Variants in BAIAP2L1 observed in about 807,000 individuals in gnomAD.
BAIAP2L1 encodes BAR/IMD domain-containing adapter protein 2-like 1.
BAIAP2L1 carries 35 observed loss-of-function variants against 66.3 expected under a neutral mutation model. The ratio of observed to expected loss-of-function variants is 0.53; its 90% CI spans 0.40 to 0.70. The LOEUF is 0.70. BAIAP2L1 is among the 30% of genes least tolerant of loss of function. BAIAP2L1 has a pLI of 0.00. For missense variants in BAIAP2L1, 622 were observed against 656.9 expected (o/e 0.95, Z 0.58); for synonymous variants, 269 against 248.7 (o/e 1.08, Z -0.77).
At chr7:98,314,251 G>C (rs1237859563) in intron 7 of BAIAP2L1, among the ~76,000 whole-genome samples, 1 of 152,064 alleles carries the variant, frequency 6.6e-6, no homozygotes, top group African/African-American at 2.4e-5. Flanking sequence ...CCAAAGTGCT[G>C]GGATTACAGG....
intron 3 of BAIAP2L1, among the ~76,000 whole-genome samples, chr7:98,350,351 T>TA (rs905282012): frequency 0.021 from 3,029 of 142,110 alleles, 101 homozygotes; most frequent in African/African-American, 0.072. Flanking sequence ...TCCAAAGGCT[T>TA]AAAAAAAAAA....
rs199820184 is a variant in BAIAP2L1, at chr7:98,385,740, GT to G, written c.51+15061del. ...GGAATCAACATTTCTTTTTTTTGTTGTTTTTTTTTTCACAAATAGCACTCTT... is the reference window on the plus strand; with the variant it reads ...GGAATCAACATTTCTTTTTTTTGTTGTTTTTTTTTCACAAATAGCACTCTT... On this transcript the variant is annotated intron_variant, in intron 1 of 13. Coordinates refer to ENST00000005260, the MANE Select transcript of BAIAP2L1 (RefSeq NM_018842.5). The G allele has an allele frequency of 2.5e-4, 233 of 950,588 alleles. 1 individual carries two copies. Among genetic ancestry groups the G allele is most frequent in the African/African-American group, 3.4e-4 (19 of 55,918 alleles). The allele number at this position is 950,588 out of a possible 1,614,324, so 58.9% of individuals were successfully genotyped here.
chr7:98,354,447 A>G (rs1346226070), intron 3 of BAIAP2L1, among the ~76,000 whole-genome samples: 2 of 152,162 alleles, frequency 1.3e-5, no homozygotes, highest in Non-Finnish European at 2.9e-5. Flanking sequence ...TTTAAATGAG[A>G]GTGCTGTGTG....
intron 12 of BAIAP2L1, among the ~76,000 whole-genome samples, chr7:98,295,757 C>T (rs1298968296): frequency 2.0e-5 from 3 of 152,276 alleles, no homozygotes; most frequent in African/African-American, 7.2e-5. Context: ...ACACCCTCCA[C>T]CCACCCCAAG....
chr7:98,361,883 G>A lies in BAIAP2L1; in HGVS notation c.127+474C>T, dbSNP rs146763089. 3.7e-4 allele frequency among the ~76,000 whole-genome samples: 56 copies of A among 152,020 alleles called. No individual in the cohort carries two copies. The East Asian group carries it at 6.8e-3, about 18-fold the overall frequency. Reference sequence around the variant, plus strand: ...CCTGAGTAGCTGGGACTACAGGCGCGCACCACCACGTGCAGCTAATTTCAT... The same window carrying A: ...CCTGAGTAGCTGGGACTACAGGCGCACACCACCACGTGCAGCTAATTTCAT... On this transcript the variant is annotated intron_variant, in intron 2 of 13. Transcript: ENST00000005260.
intron 3 of BAIAP2L1, among the ~76,000 whole-genome samples, chr7:98,345,777 A>G (rs1195094051): frequency 6.6e-6 from 1 of 152,182 alleles, no homozygotes; most frequent in Non-Finnish European, 1.5e-5. Flanking sequence ...CATTTCTCCA[A>G]AGAAGATATG....
At chr7:98,305,181 G>T (rs2116846668) in intron 11 of BAIAP2L1, among the ~76,000 whole-genome samples, 1 of 149,924 alleles carries the variant, frequency 6.7e-6, no homozygotes, top group African/African-American at 2.5e-5. Context: ...ATGAGCCCCT[G>T]CGCCTGGCCA....
At chr7:98,297,855 AAGG>A (rs1439323898) in intron 12 of BAIAP2L1, among the ~76,000 whole-genome samples, 1 of 152,200 alleles carries the variant, frequency 6.6e-6, no homozygotes, top group Non-Finnish European at 1.5e-5. Context: ...TGCTTTTACA[AAGG>A]AGAGCTGTGT....
intron 10 of BAIAP2L1, chr7:98,307,181 C>T (rs1197569627): frequency 9.4e-5 from 16 of 171,122 alleles, no homozygotes; most frequent in South Asian, 8.6e-4. Context: ...GGCGAGATCT[C>T]GGCTCACTGC....
At chr7:98,357,750 TA>T (rs1421068124) in intron 2 of BAIAP2L1, among the ~76,000 whole-genome samples, 1 of 152,140 alleles carries the variant, frequency 6.6e-6, no homozygotes, top group Non-Finnish European at 1.5e-5. Context: ...CATACTTAGT[TA>T]ATCTATCCAA....
At chr7:98,373,953 A>G (rs1802566507) in intron 1 of BAIAP2L1, among the ~76,000 whole-genome samples, 1 of 152,090 alleles carries the variant, frequency 6.6e-6, no homozygotes, top group Non-Finnish European at 1.5e-5. Context: ...TATTCAGTTG[A>G]GAACATTTAT....
intron 1 of BAIAP2L1, among the ~76,000 whole-genome samples, chr7:98,371,716 A>G (rs1169454442): frequency 6.6e-6 from 1 of 152,232 alleles, no homozygotes; most frequent in Non-Finnish European, 1.5e-5. Context: ...TTTATAATAA[A>G]GTATACATTA....
chr7:98,387,360 G>C (rs573929929), intron 1 of BAIAP2L1, among the ~76,000 whole-genome samples: 1 of 152,080 alleles, frequency 6.6e-6, no homozygotes, highest in African/African-American at 2.4e-5. Context: ...AAACAGCTGC[G>C]GGAAGAACTC....
intron 1 of BAIAP2L1, chr7:98,386,693 G>GCT: frequency 5.4e-6 from 1 of 185,822 alleles, no homozygotes; most frequent in Non-Finnish European, 9.4e-6. Context: ...CTTTCCAAAG[G>GCT]TTTTTTTTTT....
At chr7:98,340,954 A>G (rs930697853) in intron 3 of BAIAP2L1, among the ~76,000 whole-genome samples, 1 of 103,042 alleles carries the variant, frequency 9.7e-6, no homozygotes, top group Non-Finnish European at 1.9e-5. Context: ...AGGCCCAGCT[A>G]ATTGGTTTTT....
chr7:98,308,190 C>T (rs1182984554), intron 9 of BAIAP2L1: 1 of 567,368 alleles, frequency 1.8e-6, no homozygotes, highest in Non-Finnish European at 3.3e-6. Context: ...GGTTGATCTG[C>T]ACTGCTTTAG....
intron 8 of BAIAP2L1, among the ~76,000 whole-genome samples, chr7:98,311,645 T>A (rs560431689): frequency 6.7e-6 from 1 of 148,246 alleles, no homozygotes; most frequent in East Asian, 2.1e-4. Context: ...TGGTGGCTCA[T>A]GCCTGTAATC....
chr7:98,372,693 G>A (rs961956148), intron 1 of BAIAP2L1, among the ~76,000 whole-genome samples: 6 of 147,600 alleles, frequency 4.1e-5, no homozygotes, highest in African/African-American at 1.0e-4. Context: ...AAAAATAGCT[G>A]TAATGAGGGT....
At chr7:98,294,185 G>T (rs1584408589) in intron 12 of BAIAP2L1, 74 bp from the exon 13 acceptor site, 3 of 1,499,754 alleles carry the variant, frequency 2.0e-6, no homozygotes, top group South Asian at 1.1e-5. Context: ...TAGAGATGGG[G>T]ATTTGCTATG....
Sources: allele counts gnomAD v4.1 joint callset (sites outside exome capture counted in the v4.1 genomes callset), GRCh38; gene constraint gnomAD v4.1.1; transcripts MANE v1.5; gene names NCBI Gene and HGNC (gene_info 2026-07-23, HGNC 2026-07-21).